TENM4: variants seen among roughly 807,000 people sequenced by gnomAD.
TENM4 encodes teneurin transmembrane protein 4.
A neutral mutation model predicts 243.3 loss-of-function variants in TENM4; 82 were observed. That is an observed-to-expected ratio of 0.34 (90% CI 0.28 to 0.40). The LOEUF is 0.40. Among genes scored for constraint, TENM4 ranks in the 10% least tolerant of loss-of-function variants. TENM4 has a pLI of 1.00. For synonymous variants in TENM4, 1,412 were observed against 1,456.3 expected, an observed-to-expected ratio of 0.97 and a Z score of 0.69; for missense variants, 3,138 against 3,673.3, an observed-to-expected ratio of 0.85 and a Z score of 3.77.
chr11:78,995,482 A>G (rs1004497150), intron 6 of TENM4, among the ~76,000 whole-genome samples: 2 of 152,202 alleles, frequency 1.3e-5, no homozygotes, highest in African/African-American at 4.8e-5. Context: ...ACCTTCTACC[A>G]GGAATTTGAA....
At chr11:79,343,930 C>G (rs1435003497) in intron 1 of TENM4, among the ~76,000 whole-genome samples, 4 of 152,172 alleles carry the variant, frequency 2.6e-5, no homozygotes, top group Non-Finnish European at 5.9e-5. Flanking sequence ...TTAGCTGGCA[C>G]AAAGAACATA....
intron 9 of TENM4, among the ~76,000 whole-genome samples, chr11:78,881,888 G>A (rs1855439547): frequency 6.6e-6 from 1 of 152,170 alleles, no homozygotes; most frequent in Admixed American, 6.5e-5. Flanking sequence ...TCTGTCTGTG[G>A]CCTGTTATAA....
At chr11:78,973,950 C>T (rs563653830) in intron 6 of TENM4, among the ~76,000 whole-genome samples, 3 of 151,982 alleles carry the variant, frequency 2.0e-5, no homozygotes, top group African/African-American at 7.2e-5. Context: ...AGGCAGAGGG[C>T]CCCACAACTG....
At chr11:78,954,148 G>A (rs1413154032) in intron 6 of TENM4, among the ~76,000 whole-genome samples, 2 of 152,192 alleles carry the variant, frequency 1.3e-5, no homozygotes, top group Admixed American at 1.3e-4. Context: ...AACCAGTAAT[G>A]GGGGATCCAG....
intron 27 of TENM4, among the ~76,000 whole-genome samples, chr11:78,707,959 C>T (rs1859297283): frequency 6.6e-6 from 1 of 152,192 alleles, no homozygotes; most frequent in African/African-American, 2.4e-5. Context: ...TAGCCAGGCA[C>T]CCTGGTTACT....
At chr11:79,072,020 G>A (rs1860426631) in intron 4 of TENM4, among the ~76,000 whole-genome samples, 1 of 152,134 alleles carries the variant, frequency 6.6e-6, no homozygotes, top group South Asian at 2.1e-4. Flanking sequence ...ATATTACTGA[G>A]GCTCAAACCC....
intron 4 of TENM4, among the ~76,000 whole-genome samples, chr11:79,107,892 C>G (rs1861412155): frequency 6.6e-6 from 1 of 152,220 alleles, no homozygotes; most frequent in Admixed American, 6.5e-5. Context: ...TCTGAGGCCA[C>G]ACAGCCAGCT....
chr11:78,978,934 G>A (rs117562680), intron 6 of TENM4, among the ~76,000 whole-genome samples: 3 of 152,254 alleles, frequency 2.0e-5, no homozygotes, highest in Non-Finnish European at 4.4e-5. Flanking sequence ...TGGGCACATC[G>A]TGAGAAGCAG....
At position 78,891,294 on chromosome 11, in the gene TENM4, G is replaced by T; in HGVS notation, c.792C>A (p.Asn264Lys). ...KQPFLGTLQD[N>K]LIEMDILGAS... Reference sequence around the variant, plus strand: ...CGCCGAGAATGTCCATCTCAATGAGGTTGTCCTGCAATGTCCCTAGGAATG... The same window carrying T: ...CGCCGAGAATGTCCATCTCAATGAGTTTGTCCTGCAATGTCCCTAGGAATG... The change falls in exon 8 of 34, where the codon AAC becomes AAA. Residue 264 changes from asparagine (N) to lysine (K), a missense_variant. By Grantham distance (94) the Asn-to-Lys change is moderately conservative. Coordinates refer to ENST00000278550, the MANE Select transcript of TENM4 (RefSeq NM_001098816.3). 1.3e-6 allele frequency: 2 copies of T among 1,551,692 alleles called. No homozygotes were observed. Among genetic ancestry groups the T allele is most frequent in the East Asian group, 2.4e-5 (1 of 40,910 alleles).
At chr11:78,965,655 C>T (rs61882030) in intron 6 of TENM4, among the ~76,000 whole-genome samples, 2,963 of 152,280 alleles carry the variant, frequency 0.019, 48 homozygotes, top group Admixed American at 0.058. Flanking sequence ...AACGGCAGAA[C>T]GGCACTGAGC....
intron 1 of TENM4, among the ~76,000 whole-genome samples, chr11:79,410,981 A>G (rs1858688386): frequency 6.6e-6 from 1 of 152,040 alleles, no homozygotes. Context: ...ATACAAACAC[A>G]CACTCAAGTG....
chr11:79,003,879 T>C (rs1158509215), intron 6 of TENM4, among the ~76,000 whole-genome samples: 1 of 151,994 alleles, frequency 6.6e-6, no homozygotes, highest in Non-Finnish European at 1.5e-5. Flanking sequence ...GTATGTTGTC[T>C]TCAAGAGACC....
At chr11:79,196,333 G>A (rs1209067803) in intron 3 of TENM4, among the ~76,000 whole-genome samples, 1 of 151,726 alleles carries the variant, frequency 6.6e-6, no homozygotes, top group Non-Finnish European at 1.5e-5. Context: ...AGAAGTCACC[G>A]TGTGTCTCTG....
intron 1 of TENM4, among the ~76,000 whole-genome samples, chr11:79,376,495 C>T (rs2135517704): frequency 6.6e-6 from 1 of 152,370 alleles, no homozygotes; most frequent in Non-Finnish European, 1.5e-5. Flanking sequence ...TGGCCTGCTA[C>T]TGGAAGACTT....
intron 6 of TENM4, among the ~76,000 whole-genome samples, chr11:78,999,755 C>A (rs1858267920): frequency 6.6e-6 from 1 of 151,616 alleles, no homozygotes; most frequent in African/African-American, 2.4e-5. Context: ...GAGAGTGGGA[C>A]AACATTAAGC....
Position 78,998,621 on chromosome 11 carries a change from T to C in TENM4, c.493+66117A>G, listed in dbSNP as rs1389603293. ...CAGTGGTGTTATCATCCTGGGCTTG[T>C]TCTGTCCACCACGCCTTGGCCAGCA... On this transcript the variant is annotated intron_variant, in intron 6 of 33. Coordinates refer to ENST00000278550, the MANE Select transcript of TENM4 (RefSeq NM_001098816.3). Among the ~76,000 whole-genome samples, 3 of 152,354 alleles carry C rather than the reference T, an allele frequency of 2.0e-5. No homozygotes were observed. The South Asian group carries it at 6.2e-4, about 32-fold the overall frequency.
chr11:78,938,614 A>G (rs1856832855), intron 6 of TENM4, among the ~76,000 whole-genome samples: 1 of 152,170 alleles, frequency 6.6e-6, no homozygotes, highest in African/African-American at 2.4e-5. Flanking sequence ...ATATTTTAAT[A>G]GGAAGGGCAA....
At chr11:78,851,440 T>A (rs1174362906) in intron 12 of TENM4, among the ~76,000 whole-genome samples, 2 of 152,382 alleles carry the variant, frequency 1.3e-5, no homozygotes, top group African/African-American at 4.8e-5. Flanking sequence ...GATGCCTCAC[T>A]GTGCCTATGG....
chr11:78,876,240 T>C (rs1477341211), intron 9 of TENM4, among the ~76,000 whole-genome samples: 1 of 152,180 alleles, frequency 6.6e-6, no homozygotes, highest in African/African-American at 2.4e-5. Flanking sequence ...AGGCATGGTA[T>C]TTATTCTGTA....
Sources: allele counts gnomAD v4.1 joint callset (sites outside exome capture counted in the v4.1 genomes callset), GRCh38; gene constraint gnomAD v4.1.1; transcripts MANE v1.5; gene names NCBI Gene and HGNC (gene_info 2026-07-23, HGNC 2026-07-21).